TENM4: variants seen among roughly 807,000 people sequenced by gnomAD.
The protein encoded by TENM4 is teneurin-4.
TENM4 carries 82 observed loss-of-function variants against 243.3 expected under a neutral mutation model. The observed-to-expected ratio is 0.34, with a 90% CI of 0.28 to 0.40. The LOEUF (loss-of-function observed/expected upper bound fraction) is 0.40. Among genes scored for constraint, TENM4 ranks in the 10% least tolerant of loss-of-function variants. The probability of loss-of-function intolerance (pLI) is 1.00; values close to 1 mark genes in which losing one functional copy is unlikely to be tolerated. For missense variants in TENM4, 3,138 were observed against 3,673.3 expected, an observed-to-expected ratio of 0.85 and a Z score of 3.77; for synonymous variants, 1,412 against 1,456.3, an observed-to-expected ratio of 0.97 and a Z score of 0.69.
At chr11:78,980,472 T>C (rs1423796765) in intron 6 of TENM4, among the ~76,000 whole-genome samples, 1 of 152,188 alleles carries the variant, frequency 6.6e-6, no homozygotes, top group African/African-American at 2.4e-5. Context: ...AGCAAAGCTC[T>C]ATAAGCTCAA....
intron 28 of TENM4, among the ~76,000 whole-genome samples, chr11:78,689,595 C>G (rs1217095467): frequency 6.6e-6 from 1 of 152,158 alleles, no homozygotes; most frequent in African/African-American, 2.4e-5. Context: ...CAGGCTCTTC[C>G]TTCAGCTGGG....
chr11:79,384,260 G>A (rs1590927617), intron 1 of TENM4, among the ~76,000 whole-genome samples: 1 of 152,226 alleles, frequency 6.6e-6, no homozygotes, highest in East Asian at 1.9e-4. Flanking sequence ...TTTGCGAAAT[G>A]AAGAGTAACA....
chr11:79,158,795 T>C (rs1862678910), intron 3 of TENM4, among the ~76,000 whole-genome samples: 1 of 152,150 alleles, frequency 6.6e-6, no homozygotes, highest in South Asian at 2.1e-4. Context: ...GAGAGATGGA[T>C]TCACCAATTC....
intron 1 of TENM4, among the ~76,000 whole-genome samples, chr11:79,431,077 A>T (rs1007056877): frequency 2.6e-5 from 4 of 152,242 alleles, no homozygotes; most frequent in Non-Finnish European, 5.9e-5. Context: ...TAAATAAAAC[A>T]CAAAACTTAA....
chr11:79,373,077 A>G (rs1857818086), intron 1 of TENM4, among the ~76,000 whole-genome samples: 2 of 152,320 alleles, frequency 1.3e-5, no homozygotes, highest in Admixed American at 1.3e-4. Flanking sequence ...AAAAATATAT[A>G]TCTAAAGACA....
intron 6 of TENM4, among the ~76,000 whole-genome samples, chr11:79,025,598 C>T (rs923047678): frequency 6.6e-6 from 1 of 152,162 alleles, no homozygotes; most frequent in African/African-American, 2.4e-5. Flanking sequence ...TCTCTATTCT[C>T]TGGATGAGGA....
chr11:79,021,306 T>C (rs987858280), intron 6 of TENM4, among the ~76,000 whole-genome samples: 1 of 152,204 alleles, frequency 6.6e-6, no homozygotes, highest in African/African-American at 2.4e-5. Flanking sequence ...CATGTCTTTT[T>C]CAGTGGTTCC....
At chr11:79,269,785 G>A (rs73510677) in intron 2 of TENM4, 1 of 152,250 alleles carries the variant, frequency 6.6e-6, no homozygotes, top group Non-Finnish European at 1.5e-5. Context: ...GCCCAGATCT[G>A]ATTGACAACG....
At chr11:79,424,968 G>A (rs754932367) in intron 1 of TENM4, among the ~76,000 whole-genome samples, 9 of 152,154 alleles carry the variant, frequency 5.9e-5, no homozygotes, top group Non-Finnish European at 1.3e-4. Flanking sequence ...TGCCGAAGTT[G>A]AGAAAGCCTG....
chr11:78,670,338 A>G lies in TENM4; in HGVS notation c.6007T>C (p.Tyr2003His). 1.2e-6 allele frequency: 2 copies of G among 1,613,906 alleles called. No individual in the cohort carries two copies. The highest frequency in any genetic ancestry group is 1.7e-6 in the Non-Finnish European group (2 of 1,179,846). Residue 2003 changes from tyrosine (Y) to histidine (H), a missense_variant, in exon 32 of 34, where the codon TAC becomes CAC. Physicochemically the swap from Tyr to His is moderately conservative, Grantham distance 83 (BLOSUM62 2). Transcript: ENST00000278550. ...TEDGHLLHTF[Y>H]LGTGRRVIYK... is the part of the protein sequence containing the mutation. ...ATCACCCTGCGGCCAGTGCCCAGGTAGAAGGTGTGAAGGAGGTGCCCATCC... is the reference window on the plus strand; with the variant it reads ...ATCACCCTGCGGCCAGTGCCCAGGTGGAAGGTGTGAAGGAGGTGCCCATCC...
chr11:79,008,230 T>C (rs1858542155), intron 6 of TENM4, among the ~76,000 whole-genome samples: 2 of 152,014 alleles, frequency 1.3e-5, no homozygotes. Flanking sequence ...AAAGAAAAAA[T>C]ATGCTCCAGA....
chr11:78,774,265 A>T (rs1856699173), intron 17 of TENM4, among the ~76,000 whole-genome samples: 1 of 152,238 alleles, frequency 6.6e-6, no homozygotes, highest in Non-Finnish European at 1.5e-5. Context: ...AACTTCACTA[A>T]GAAATTCATA....
chr11:78,750,569 G>T (rs552646912), intron 19 of TENM4, among the ~76,000 whole-genome samples: 26 of 152,360 alleles, frequency 1.7e-4, no homozygotes, highest in African/African-American at 6.0e-4. Flanking sequence ...AGCTCTCATG[G>T]TGTAGGCTCA....
intron 4 of TENM4, among the ~76,000 whole-genome samples, chr11:79,113,544 A>T (rs1206521197): frequency 6.6e-6 from 1 of 151,986 alleles, no homozygotes; most frequent in African/African-American, 2.4e-5. Flanking sequence ...AGGACAAAAA[A>T]ACTCACCGAG....
chr11:79,244,190 C>T (rs1272090940), intron 2 of TENM4, among the ~76,000 whole-genome samples: 1 of 152,150 alleles, frequency 6.6e-6, no homozygotes, highest in South Asian at 2.1e-4. Context: ...ATAAAAGTCC[C>T]AGGTGAGGCT....
chr11:79,192,091 TGGG>T (rs1324316428), intron 3 of TENM4, among the ~76,000 whole-genome samples: 7 of 103,432 alleles, frequency 6.8e-5, no homozygotes, highest in Non-Finnish European at 2.0e-5. Flanking sequence ...GGGAGGGAGG[TGGG>T]GGGGGGTCAG....
intron 1 of TENM4, among the ~76,000 whole-genome samples, chr11:79,386,997 C>T (rs1003022606): frequency 2.0e-5 from 3 of 152,064 alleles, no homozygotes; most frequent in Admixed American, 6.5e-5. Context: ...TAGAAAGTAA[C>T]CGAATGTCCA....
chr11:79,148,783 G>C lies in TENM4; in HGVS notation c.-139C>G. 2.0e-6 allele frequency: 2 copies of C among 981,962 alleles called. No individual in the cohort carries two copies. Among genetic ancestry groups the C allele is most frequent in the Non-Finnish European group, 2.4e-6 (2 of 826,670 alleles). The allele number at this position is 981,962 out of a possible 1,614,324, so 60.8% of individuals were successfully genotyped here. A position where few individuals can be genotyped will look rare whatever the true frequency, so the allele number is the denominator to read the frequency against. Reference sequence around the variant, plus strand: ...TCCTTGAAGTATGCAATTTTAATTTGGACACATGGTAATTTCAGTCTACCT... The same window carrying C: ...TCCTTGAAGTATGCAATTTTAATTTCGACACATGGTAATTTCAGTCTACCT... On this transcript the variant is annotated 5_prime_UTR_variant, in exon 4 of 34. Coordinates refer to ENST00000278550, the MANE Select transcript of TENM4 (RefSeq NM_001098816.3).
At chr11:78,941,667 C>T (rs1856898101) in intron 6 of TENM4, among the ~76,000 whole-genome samples, 1 of 152,154 alleles carries the variant, frequency 6.6e-6, no homozygotes, top group Non-Finnish European at 1.5e-5. Flanking sequence ...ACAGGAACCC[C>T]TTGGCTCTCA....
Sources: allele counts gnomAD v4.1 joint callset (sites outside exome capture counted in the v4.1 genomes callset), GRCh38; gene constraint gnomAD v4.1.1; transcripts MANE v1.5; gene names NCBI Gene and HGNC (gene_info 2026-07-23, HGNC 2026-07-21).